Variants in UNC13C observed in about 807,000 individuals in gnomAD.
UNC13C encodes the protein unc-13 homolog C, also known as protein unc-13 homolog C.
A neutral mutation model predicts 245.4 loss-of-function variants in UNC13C; 174 were observed. That is an observed-to-expected ratio of 0.71 (90% CI 0.63 to 0.80). UNC13C has a LOEUF of 0.80. Among genes scored for constraint, UNC13C ranks in the 30% least tolerant of loss-of-function variants. The pLI is 0.00. For synonymous variants in UNC13C, 992 were observed against 895.1 expected, an observed-to-expected ratio of 1.11 and a Z score of -1.93; for missense variants, 2,829 against 2,602.9, an observed-to-expected ratio of 1.09 and a Z score of -1.89.
intron 4 of UNC13C, among the ~76,000 whole-genome samples, chr15:54,146,104 C>G (rs59990200): frequency 6.6e-6 from 1 of 152,016 alleles, no homozygotes; most frequent in Non-Finnish European, 1.5e-5. Context: ...ACATATGAGC[C>G]TTCAATCACA....
chr15:54,246,858 G>T (rs1051703410), intron 7 of UNC13C, among the ~76,000 whole-genome samples: 4 of 152,080 alleles, frequency 2.6e-5, no homozygotes, highest in African/African-American at 9.7e-5. Flanking sequence ...CATGGCACAT[G>T]TTTACTTATG....
At chr15:53,911,403 T>G in the UNC13C span, 1 of 152,226 alleles carries the variant, frequency 6.6e-6, no homozygotes, top group East Asian at 1.9e-4. Flanking sequence ...CATCAGAAGG[T>G]AGAACATGAG....
chr15:54,447,061 G>A (rs1205242398), intron 19 of UNC13C, among the ~76,000 whole-genome samples: 1 of 152,144 alleles, frequency 6.6e-6, no homozygotes. Flanking sequence ...TGTGGTTTTT[G>A]TCTTTTGTTC....
At chr15:54,055,230 A>G (rs534559881) in intron 2 of UNC13C, among the ~76,000 whole-genome samples, 2 of 152,290 alleles carry the variant, frequency 1.3e-5, no homozygotes, top group South Asian at 2.1e-4. Context: ...GTATGGAAAA[A>G]TCATGCTTAT....
intron 10 of UNC13C, among the ~76,000 whole-genome samples, chr15:54,271,483 G>T (rs2036687013): frequency 6.6e-6 from 1 of 152,182 alleles, no homozygotes; most frequent in Non-Finnish European, 1.5e-5. Flanking sequence ...CTCTCTCAGT[G>T]AGTTATAGAG....
intron 19 of UNC13C, among the ~76,000 whole-genome samples, chr15:54,461,992 G>A (rs1483290718): frequency 6.6e-6 from 1 of 152,164 alleles, no homozygotes. Flanking sequence ...CAAACCTTTT[G>A]AGTTTTGTGG....
At chr15:54,508,856 A>G (rs1432418809) in intron 23 of UNC13C, among the ~76,000 whole-genome samples, 4 of 152,296 alleles carry the variant, frequency 2.6e-5, no homozygotes, top group African/African-American at 9.6e-5. Context: ...TATCTATTTC[A>G]TCTGCAAATT....
chr15:54,247,268 T>G (rs938954191), intron 7 of UNC13C, among the ~76,000 whole-genome samples: 4 of 152,186 alleles, frequency 2.6e-5, no homozygotes, highest in Admixed American at 2.6e-4. Flanking sequence ...CCTGCCATGC[T>G]TTTATTTAAT....
At chr15:53,932,354 C>G in the UNC13C span, among the ~76,000 whole-genome samples, 2 of 151,986 alleles carry the variant, frequency 1.3e-5, no homozygotes, top group East Asian at 3.9e-4. Context: ...ACAGTGCTGA[C>G]CTCAGGTATT....
intron 19 of UNC13C, among the ~76,000 whole-genome samples, chr15:54,466,255 G>A (rs1478677413): frequency 1.3e-5 from 2 of 151,916 alleles, no homozygotes; most frequent in Non-Finnish European, 2.9e-5. Flanking sequence ...AACTTCTAGA[G>A]TTTGATAGCT....
At chr15:53,964,391 C>T in the UNC13C span, among the ~76,000 whole-genome samples, 9 of 152,114 alleles carry the variant, frequency 5.9e-5, no homozygotes, top group Admixed American at 6.6e-5. Flanking sequence ...ACACTTAGTA[C>T]AAACACTATA....
In UNC13C at chr15:54,627,837, T is replaced by C. The variant is rs1901283076; in HGVS notation, c.*724T>C. 1 of 152,582 alleles carries C rather than the reference T, an allele frequency of 6.6e-6. No homozygotes were observed. Among genetic ancestry groups the C allele is most frequent in the Non-Finnish European group, 1.5e-5 (1 of 68,004 alleles). The allele number at this position is 152,582 out of a possible 1,614,324, so 9.5% of individuals were successfully genotyped here. ...AAGTTAATGCATTTGTCATATAGTG[T>C]TATGTCTTGGCTTTACCATATTTCA... is the stretch of plus-strand genomic sequence containing the variant. On this transcript the variant is annotated 3_prime_UTR_variant, in exon 33 of 33. Coordinates refer to ENST00000260323, the MANE Select transcript of UNC13C (RefSeq NM_001080534.3).
intron 2 of UNC13C, among the ~76,000 whole-genome samples, chr15:54,033,847 A>G (rs781335661): frequency 2.0e-5 from 3 of 152,326 alleles, no homozygotes; most frequent in South Asian, 2.1e-4. Context: ...GGAGATCTGT[A>G]TGTCCTTTCA....
At chr15:53,845,959 A>G in the UNC13C span, among the ~76,000 whole-genome samples, 1 of 152,148 alleles carries the variant, frequency 6.6e-6, no homozygotes, top group Non-Finnish European at 1.5e-5. Context: ...CACACTCAGT[A>G]GAAAACATAC....
At chr15:54,210,586 A>T (rs926900878) in intron 4 of UNC13C, among the ~76,000 whole-genome samples, 1 of 152,134 alleles carries the variant, frequency 6.6e-6, no homozygotes, top group South Asian at 2.1e-4. Context: ...ATGTCTCTTT[A>T]TATGTTTATA....
At chr15:54,272,638 T>C (rs1367209665) in intron 10 of UNC13C, among the ~76,000 whole-genome samples, 1 of 152,170 alleles carries the variant, frequency 6.6e-6, no homozygotes, top group East Asian at 1.9e-4. Context: ...CTTTTTTTTC[T>C]AATCATTGCC....
At chr15:54,584,714 T>A (rs1040210462) in intron 30 of UNC13C, among the ~76,000 whole-genome samples, 5 of 152,260 alleles carry the variant, frequency 3.3e-5, no homozygotes, top group African/African-American at 1.2e-4. Context: ...AACATTATGG[T>A]ACAAATGTTC....
chr15:54,468,991 A>G (rs994463049), intron 19 of UNC13C, among the ~76,000 whole-genome samples: 2 of 151,622 alleles, frequency 1.3e-5, no homozygotes, highest in African/African-American at 2.4e-5. Context: ...TGAAATATTT[A>G]TAGACATTTT....
rs551920312 is a variant in UNC13C at position 54,507,093 on chromosome 15, A to C, written c.5302-24A>C. ...GTAAACTACATACTTACCTGGGTAA[A>C]GTTCACAATGTTTTCTTTCTTAGAC... On this transcript the variant is annotated intron_variant, in intron 22 of 32. Transcript: ENST00000260323. 6 of 1,522,944 alleles carry C rather than the reference A, an allele frequency of 3.9e-6. No homozygotes were observed. The African/African-American group carries it at 6.8e-5, about 17-fold the overall frequency. The allele number at this position is 1,522,944 out of a possible 1,614,324, so 94.3% of individuals were successfully genotyped here.
Sources: allele counts gnomAD v4.1 joint callset (sites outside exome capture counted in the v4.1 genomes callset), GRCh38; gene constraint gnomAD v4.1.1; transcripts MANE v1.5; gene names NCBI Gene and HGNC (gene_info 2026-07-23, HGNC 2026-07-21).